NALCN: variants seen among roughly 807,000 people sequenced by gnomAD.
NALCN encodes sodium leak channel NALCN.
Under a neutral mutation model 225.3 loss-of-function variants are expected in NALCN, and 111 were observed. The ratio of observed to expected loss-of-function variants is 0.49; its 90% CI spans 0.42 to 0.58. NALCN has a LOEUF of 0.58. Among genes scored for constraint, NALCN ranks in the 20% least tolerant of loss-of-function variants. The probability of loss-of-function intolerance (pLI) is 0.00; values close to 1 mark genes in which losing one functional copy is unlikely to be tolerated. For synonymous variants in NALCN, 764 were observed against 769.0 expected, an observed-to-expected ratio of 0.99 and a Z score of 0.11; for missense variants, 1,378 against 2,202.4, an observed-to-expected ratio of 0.63 and a Z score of 7.49.
intron 18 of NALCN, among the ~76,000 whole-genome samples, chr13:101,120,197 G>A (rs2035906700): frequency 6.6e-6 from 1 of 152,124 alleles, no homozygotes; most frequent in African/African-American, 2.4e-5. Flanking sequence ...TCAAATGGAA[G>A]ATGGATATTT....
chr13:101,208,243 C>G (rs2040396032), intron 13 of NALCN, among the ~76,000 whole-genome samples: 1 of 151,816 alleles, frequency 6.6e-6, no homozygotes, highest in Non-Finnish European at 1.5e-5. Context: ...CCAGATGTGC[C>G]ACCTTTATGA....
At chr13:101,261,744 T>G (rs1461717735) in intron 10 of NALCN, among the ~76,000 whole-genome samples, 2 of 152,232 alleles carry the variant, frequency 1.3e-5, no homozygotes, top group Admixed American at 1.3e-4. Flanking sequence ...ATAGTTTCCT[T>G]GTGGAGTCTT....
At chr13:101,401,269 T>G (rs920852033) in intron 1 of NALCN, among the ~76,000 whole-genome samples, 4 of 152,324 alleles carry the variant, frequency 2.6e-5, no homozygotes, top group Non-Finnish European at 5.9e-5. Context: ...CCCATGTTAA[T>G]GTATACAGAG....
At chr13:101,150,689 G>A (rs1247484007) in intron 15 of NALCN, among the ~76,000 whole-genome samples, 3 of 151,926 alleles carry the variant, frequency 2.0e-5, no homozygotes, top group Admixed American at 2.0e-4. Context: ...TTGCATTTAA[G>A]CAAAGATTTT....
intron 3 of NALCN, among the ~76,000 whole-genome samples, chr13:101,379,423 T>C (rs915343597): frequency 6.6e-6 from 1 of 152,192 alleles, no homozygotes; most frequent in African/African-American, 2.4e-5. Context: ...ACACGTATGT[T>C]TATTGCAGCA....
intron 1 of NALCN, among the ~76,000 whole-genome samples, chr13:101,399,778 A>G (rs1259372576): frequency 6.6e-6 from 1 of 152,186 alleles, no homozygotes; most frequent in Non-Finnish European, 1.5e-5. Flanking sequence ...ATGAAATTAC[A>G]TTGAGGTGGG....
At chr13:101,270,849 G>C (rs2042752838) in intron 10 of NALCN, among the ~76,000 whole-genome samples, 1 of 152,164 alleles carries the variant, frequency 6.6e-6, no homozygotes, top group Non-Finnish European at 1.5e-5. Context: ...TGGAGATCAA[G>C]ACTTGCAAAA....
chr13:101,258,707 T>C, intron 10 of NALCN, 133 bp from the exon 11 acceptor site: 1 of 1,248,798 alleles, frequency 8.0e-7, no homozygotes, highest in Non-Finnish European at 1.1e-6. Flanking sequence ...GATAAAGCCA[T>C]CCATGTCCCA....
At chr13:101,393,666 G>T (rs1017602918) in intron 3 of NALCN, among the ~76,000 whole-genome samples, 3 of 151,886 alleles carry the variant, frequency 2.0e-5, no homozygotes, top group Admixed American at 2.0e-4. Flanking sequence ...AATTAGCCCG[G>T]GGTGGTGGCT....
chr13:101,171,736 G>A (rs2038732148), intron 15 of NALCN, among the ~76,000 whole-genome samples: 1 of 152,154 alleles, frequency 6.6e-6, no homozygotes, highest in Non-Finnish European at 1.5e-5. Flanking sequence ...GTCTTGGAGA[G>A]GCGGTGATGG....
chr13:101,059,797 G>C, intron 42 of NALCN, 21 bp downstream of exon 42: 1 of 1,612,814 alleles, frequency 6.2e-7, no homozygotes, highest in Non-Finnish European at 8.5e-7. Context: ...TCCTGGGACA[G>C]AGGACGCCTC....
intron 11 of NALCN, among the ~76,000 whole-genome samples, chr13:101,247,729 G>T (rs1269122580): frequency 2.0e-5 from 3 of 152,060 alleles, no homozygotes; most frequent in Non-Finnish European, 2.9e-5. Context: ...TGCCATGGCG[G>T]TTTGCTGCAC....
chr13:101,338,705 G>A (rs1398405045), intron 7 of NALCN, among the ~76,000 whole-genome samples: 2 of 152,080 alleles, frequency 1.3e-5, no homozygotes, highest in African/African-American at 2.4e-5. Flanking sequence ...TTTGGATAAC[G>A]GTCTTCCCCA....
intron 43 of NALCN, among the ~76,000 whole-genome samples, chr13:101,056,521 C>T (rs2031284138): frequency 6.6e-6 from 1 of 152,074 alleles, no homozygotes; most frequent in African/African-American, 2.4e-5. Flanking sequence ...CTCGGCCTCC[C>T]AAAGTGCTGG....
intron 3 of NALCN, among the ~76,000 whole-genome samples, chr13:101,391,877 G>A (rs1031108148): frequency 6.0e-5 from 9 of 150,626 alleles, no homozygotes; most frequent in Non-Finnish European, 8.8e-5. Flanking sequence ...CCAGCTACTC[G>A]GGAGGCTAAG....
chr13:101,272,415 C>T (rs897274861), intron 10 of NALCN, among the ~76,000 whole-genome samples: 3 of 152,098 alleles, frequency 2.0e-5, no homozygotes, highest in African/African-American at 7.2e-5. Context: ...TGGATATGTA[C>T]AATCACGTAT....
At chr13:101,378,964 C>T (rs1566632451) in intron 3 of NALCN, among the ~76,000 whole-genome samples, 1 of 151,966 alleles carries the variant, frequency 6.6e-6, no homozygotes, top group Non-Finnish European at 1.5e-5. Flanking sequence ...TCCAAATATG[C>T]TATGTAGGTC....
intron 7 of NALCN, among the ~76,000 whole-genome samples, chr13:101,316,440 T>C (rs960393468): frequency 6.6e-6 from 1 of 152,186 alleles, no homozygotes; most frequent in Non-Finnish European, 1.5e-5. Context: ...CTACAGAGCA[T>C]ACTGGCACCA....
At chr13:101,093,808 T>C (rs542648876) in intron 28 of NALCN, among the ~76,000 whole-genome samples, 1 of 152,286 alleles carries the variant, frequency 6.6e-6, no homozygotes, top group African/African-American at 2.4e-5. Flanking sequence ...CAACTGATCC[T>C]ATAACTCATA....
Sources: gnomAD v4.1 joint callset for allele counts (sites outside exome capture counted in the v4.1 genomes callset) on GRCh38, gnomAD v4.1.1 for gene constraint, MANE v1.5 for transcripts, NCBI Gene and HGNC (gene_info 2026-07-23, HGNC 2026-07-21) for gene names.